The following AOPEP variants were observed in gnomAD, a reference collection of about 807,000 sequenced individuals.
AOPEP encodes aminopeptidase O.
In AOPEP, 77 loss-of-function variants were observed where a neutral mutation model predicts 98.1. The ratio of observed to expected loss-of-function variants is 0.78; its 90% CI spans 0.65 to 0.95. The LOEUF (loss-of-function observed/expected upper bound fraction) is 0.95. Ranked by LOEUF, AOPEP falls within the 40% of genes least tolerant of loss-of-function variation. AOPEP has a pLI of 0.00. For missense variants in AOPEP, 1,024 were observed against 1,024.7 expected, an observed-to-expected ratio of 1.00 and a Z score of 0.01; for synonymous variants, 346 against 365.3, an observed-to-expected ratio of 0.95 and a Z score of 0.60.
chr9:95,094,612 T>C, the AOPEP span, among the ~76,000 whole-genome samples: 3 of 152,224 alleles, frequency 2.0e-5, no homozygotes, highest in African/African-American at 7.2e-5. Flanking sequence ...TGATTTCATT[T>C]AACATAAAGT....
At chr9:94,825,555 C>T (rs1322442962) in intron 5 of AOPEP, among the ~76,000 whole-genome samples, 1 of 152,252 alleles carries the variant, frequency 6.6e-6, no homozygotes. Context: ...TCCAGGGGAG[C>T]GCCCTCCCTA....
intron 14 of AOPEP, among the ~76,000 whole-genome samples, chr9:95,079,399 G>GT (rs758118500): frequency 7.9e-5 from 12 of 152,226 alleles, no homozygotes; most frequent in Non-Finnish European, 1.5e-4. Context: ...TTCACAGTCA[G>GT]TAAAAACAAG....
intron 10 of AOPEP, among the ~76,000 whole-genome samples, chr9:94,969,552 C>T (rs987641608): frequency 4.6e-5 from 7 of 151,734 alleles, no homozygotes; most frequent in African/African-American, 1.2e-4. Flanking sequence ...GGACTATAGG[C>T]GCCCGCCACC....
chr9:94,965,656 G>A (rs766816308), intron 9 of AOPEP, among the ~76,000 whole-genome samples: 6 of 152,232 alleles, frequency 3.9e-5, no homozygotes, highest in Non-Finnish European at 7.3e-5. Flanking sequence ...TGTATCTGCA[G>A]ACTTGGTTCT....
intron 7 of AOPEP, among the ~76,000 whole-genome samples, chr9:94,938,531 C>G (rs2056609410): frequency 1.3e-5 from 2 of 151,970 alleles, no homozygotes; most frequent in Non-Finnish European, 2.9e-5. Flanking sequence ...GGTGAAGAGG[C>G]AGAGGGAGAG....
the AOPEP span, chr9:95,114,719 G>A: frequency 6.2e-7 from 1 of 1,613,280 alleles, no homozygotes; most frequent in Non-Finnish European, 8.5e-7. Context: ...ATCTGCGGGT[G>A]GAGAGAGATA....
chr9:95,067,526 A>T (rs1344154350), intron 14 of AOPEP, among the ~76,000 whole-genome samples: 3 of 152,188 alleles, frequency 2.0e-5, no homozygotes, highest in African/African-American at 7.2e-5. Context: ...GTTCCCAGGC[A>T]CTGAGGGAAC....
chr9:94,765,735 G>C (rs1028196209), intron 2 of AOPEP, among the ~76,000 whole-genome samples: 3 of 151,950 alleles, frequency 2.0e-5, no homozygotes, highest in Non-Finnish European at 4.4e-5. Context: ...AGCTGTAAAG[G>C]AGTATTTATT....
chr9:94,813,918 G>A (rs982231487), intron 5 of AOPEP, among the ~76,000 whole-genome samples: 2 of 152,180 alleles, frequency 1.3e-5, no homozygotes, highest in Non-Finnish European at 2.9e-5. Context: ...CCACAAGAAG[G>A]AATTCAAGGA....
At chr9:95,095,403 CCT>C in the AOPEP span, among the ~76,000 whole-genome samples, 59 of 152,302 alleles carry the variant, frequency 3.9e-4, no homozygotes, top group Admixed American at 7.8e-4. Context: ...CGTCCCGTTC[CCT>C]GTGTCGTGTG....
At chr9:95,101,512 A>T in the AOPEP span, 1 of 674,564 alleles carries the variant, frequency 1.5e-6, no homozygotes, top group Non-Finnish European at 2.6e-6. Context: ...TGTCTGACTG[A>T]GTCTGGGCTG....
chr9:94,912,871 C>T (rs2052278802), intron 5 of AOPEP, among the ~76,000 whole-genome samples: 1 of 152,214 alleles, frequency 6.6e-6, no homozygotes. Context: ...GCAAGTCCTC[C>T]AGCTCCCGCT....
intron 16 of AOPEP, chr9:95,085,350 A>G (rs773635372): frequency 6.2e-6 from 3 of 486,824 alleles, no homozygotes; most frequent in African/African-American, 2.0e-5. Context: ...ATTGGAGAAC[A>G]GGTGCATCTC....
chr9:95,035,076 C>T (rs890448010), intron 13 of AOPEP, among the ~76,000 whole-genome samples: 2 of 151,556 alleles, frequency 1.3e-5, no homozygotes, highest in Non-Finnish European at 2.9e-5. Context: ...CCCATCAACC[C>T]ATCATTTACG....
At chr9:94,896,904 T>C (rs2049645391) in intron 5 of AOPEP, among the ~76,000 whole-genome samples, 1 of 119,286 alleles carries the variant, frequency 8.4e-6, no homozygotes, top group South Asian at 3.5e-4. Flanking sequence ...GTCTCAACTT[T>C]TGTGGGTTTT....
At chr9:94,927,484 C>G (rs1165137808) in intron 6 of AOPEP, among the ~76,000 whole-genome samples, 1 of 152,206 alleles carries the variant, frequency 6.6e-6, no homozygotes, top group East Asian at 1.9e-4. Context: ...ACATCACACA[C>G]TTCCTGGCCC....
At chr9:95,110,611 G>A in the AOPEP span, 1 of 1,040,032 alleles carries the variant, frequency 9.6e-7, no homozygotes, top group Non-Finnish European at 1.2e-6. Flanking sequence ...TGCCATGCAA[G>A]CCTTTAAACA....
intron 5 of AOPEP, among the ~76,000 whole-genome samples, chr9:94,810,417 C>T (rs924156415): frequency 1.3e-5 from 2 of 151,418 alleles, no homozygotes; most frequent in African/African-American, 2.4e-5. Context: ...CAGGTTCAAG[C>T]GATTCTCCTG....
chr9:94,870,452 C>T (rs796764882), intron 5 of AOPEP, among the ~76,000 whole-genome samples: 11 of 152,308 alleles, frequency 7.2e-5, no homozygotes, highest in African/African-American at 2.2e-4. Flanking sequence ...ATTCAGTCCT[C>T]ACAACAACCC....
Sources: allele counts gnomAD v4.1 joint callset (sites outside exome capture counted in the v4.1 genomes callset), GRCh38; gene constraint gnomAD v4.1.1; transcripts MANE v1.5; gene names NCBI Gene and HGNC (gene_info 2026-07-23, HGNC 2026-07-21).